SPATA16: variants seen among roughly 807,000 people sequenced by gnomAD.
The protein encoded by SPATA16 is spermatogenesis associated 16.
In SPATA16, 36 loss-of-function variants were observed where a neutral mutation model predicts 63.3. The ratio of observed to expected loss-of-function variants is 0.57; its 90% CI spans 0.44 to 0.75. SPATA16 has a LOEUF of 0.75. Among genes scored for constraint, SPATA16 ranks in the 30% least tolerant of loss-of-function variants. The pLI is 0.00. For synonymous variants in SPATA16, 203 were observed against 216.7 expected (o/e 0.94, Z 0.56); for missense variants, 646 against 679.3 (o/e 0.95, Z 0.54).
At chr3:173,122,751 A>G (rs1738113511) in intron 1 of SPATA16, among the ~76,000 whole-genome samples, 1 of 152,216 alleles carries the variant, frequency 6.6e-6, no homozygotes, top group South Asian at 2.1e-4. Flanking sequence ...TGTAGTGCTC[A>G]TAGCTAGGAG....
intron 5 of SPATA16, among the ~76,000 whole-genome samples, chr3:172,965,760 T>TA (rs962043641): frequency 6.6e-6 from 1 of 152,098 alleles, no homozygotes; most frequent in African/African-American, 2.4e-5. Flanking sequence ...GTATTTTTAG[T>TA]AGAGATGGGG....
intron 3 of SPATA16, among the ~76,000 whole-genome samples, chr3:173,028,987 A>G (rs1316493192): frequency 1.3e-5 from 2 of 152,056 alleles, no homozygotes; most frequent in Non-Finnish European, 2.9e-5. Context: ...GCCCTTCCAT[A>G]TGGAATATAG....
intron 4 of SPATA16, among the ~76,000 whole-genome samples, chr3:172,999,391 T>C (rs1326870868): frequency 7.1e-6 from 1 of 140,808 alleles, no homozygotes; most frequent in Non-Finnish European, 1.6e-5. Flanking sequence ...ATATCCCCTA[T>C]TTCATTTCTT....
chr3:172,968,931 A>G (rs541186894), intron 5 of SPATA16, among the ~76,000 whole-genome samples: 29 of 152,344 alleles, frequency 1.9e-4, no homozygotes, highest in African/African-American at 7.0e-4. Context: ...GTCTACATTT[A>G]TCTTTTTGCA....
chr3:173,083,114 T>G (rs1736963286), intron 2 of SPATA16, among the ~76,000 whole-genome samples: 1 of 152,108 alleles, frequency 6.6e-6, no homozygotes, highest in Admixed American at 6.5e-5. Context: ...AAGTCAAAGT[T>G]TTATAGGCTT....
intron 10 of SPATA16, among the ~76,000 whole-genome samples, chr3:172,902,178 C>T (rs1732139429): frequency 6.6e-6 from 1 of 152,150 alleles, no homozygotes; most frequent in South Asian, 2.1e-4. Context: ...GCTGGGACTA[C>T]AGGCATGTGC....
intron 5 of SPATA16, among the ~76,000 whole-genome samples, chr3:172,973,265 A>G (rs964146605): frequency 5.3e-5 from 8 of 151,870 alleles, no homozygotes; most frequent in Admixed American, 4.6e-4. Flanking sequence ...CATATATTTC[A>G]TGTGTGTGTG....
chr3:172,940,945 A>G (rs28612927), intron 6 of SPATA16, among the ~76,000 whole-genome samples: 5,242 of 152,154 alleles, frequency 0.034, 285 homozygotes, highest in African/African-American at 0.12. Flanking sequence ...ATCATGCCAC[A>G]GCACTCCAGC....
chr3:173,007,289 A>G (rs1734964910), intron 4 of SPATA16, among the ~76,000 whole-genome samples: 1 of 152,212 alleles, frequency 6.6e-6, no homozygotes, highest in South Asian at 2.1e-4. Flanking sequence ...TGAGAAGGGA[A>G]TGGGAAATTC....
At chr3:173,049,206 T>G (rs530937408) in intron 2 of SPATA16, 112 bp from the exon 3 acceptor site, 2 of 1,224,796 alleles carry the variant, frequency 1.6e-6, no homozygotes, top group Middle Eastern at 2.8e-4. Flanking sequence ...TATGCTTGCT[T>G]ATATGTTTTG....
At chr3:172,944,714 A>G (rs1733240136) in intron 6 of SPATA16, among the ~76,000 whole-genome samples, 1 of 152,236 alleles carries the variant, frequency 6.6e-6, no homozygotes. Context: ...TGAAGACATT[A>G]TGCTAAGTGA....
intron 10 of SPATA16, among the ~76,000 whole-genome samples, chr3:172,894,330 T>C (rs973507734): frequency 1.3e-5 from 2 of 152,146 alleles, no homozygotes; most frequent in African/African-American, 4.8e-5. Context: ...ATTCATAATA[T>C]AGCAGTTTCC....
At chr3:172,975,392 A>G (rs1223111739) in intron 5 of SPATA16, among the ~76,000 whole-genome samples, 1 of 152,190 alleles carries the variant, frequency 6.6e-6, no homozygotes, top group Non-Finnish European at 1.5e-5. Context: ...TAAGTCAAGC[A>G]TTCGCTGGGG....
chr3:172,905,718 C>T (rs781028458), intron 10 of SPATA16, among the ~76,000 whole-genome samples: 1 of 142,152 alleles, frequency 7.0e-6, no homozygotes, highest in Non-Finnish European at 1.5e-5. Context: ...TAAAAAGGAA[C>T]ACAAGAAGCA....
intron 2 of SPATA16, among the ~76,000 whole-genome samples, chr3:173,096,947 T>C (rs1737371292): frequency 6.6e-6 from 1 of 152,142 alleles, no homozygotes; most frequent in Non-Finnish European, 1.5e-5. Context: ...CAAAAAGAAA[T>C]CAAGTTTTAG....
rs765946331 is a variant in SPATA16 at position 173,081,966 on chromosome 3, A to G, written c.613-32872T>C. Among the ~76,000 whole-genome samples, 53 of 152,200 alleles carry G rather than the reference A, an allele frequency of 3.5e-4. 1 individual carries two copies. Among genetic ancestry groups the G allele is most frequent in the Non-Finnish European group, 2.5e-4 (17 of 68,036 alleles). On this transcript the variant is annotated intron_variant, in intron 2 of 10. Coordinates refer to ENST00000351008, the MANE Select transcript of SPATA16 (RefSeq NM_031955.6). ...TTGAATTTCATCGAATGCATTTTTG[A>G]CACTTATTAAGATGAGCATGTGATT...
intron 10 of SPATA16, among the ~76,000 whole-genome samples, chr3:172,898,008 T>C (rs1050886461): frequency 2.0e-5 from 3 of 152,052 alleles, no homozygotes; most frequent in Non-Finnish European, 4.4e-5. Flanking sequence ...CATCAATTGA[T>C]ATAATCTTGT....
chr3:172,989,457 CAGAG>C, intron 4 of SPATA16, among the ~76,000 whole-genome samples: 2 of 152,252 alleles, frequency 1.3e-5, no homozygotes, highest in Middle Eastern at 6.8e-3. Context: ...ATCAGAGTAA[CAGAG>C]AGACAATATG....
At chr3:172,940,951 C>T (rs1733134407) in intron 6 of SPATA16, among the ~76,000 whole-genome samples, 1 of 152,012 alleles carries the variant, frequency 6.6e-6, no homozygotes, top group African/African-American at 2.4e-5. Context: ...CCACAGCACT[C>T]CAGCCTGGGT....
Sources: allele counts gnomAD v4.1 joint callset (sites outside exome capture counted in the v4.1 genomes callset), GRCh38; gene constraint gnomAD v4.1.1; transcripts MANE v1.5; gene names NCBI Gene and HGNC (gene_info 2026-07-23, HGNC 2026-07-21).